DOCK1: variants seen among roughly 807,000 people sequenced by gnomAD.
DOCK1 encodes dedicator of cytokinesis 1.
Under a neutral mutation model 262.7 loss-of-function variants are expected in DOCK1, and 138 were observed. The observed-to-expected ratio is 0.53, with a 90% CI of 0.46 to 0.61. DOCK1 has a LOEUF of 0.61. Among genes scored for constraint, DOCK1 ranks in the 20% least tolerant of loss-of-function variants. The pLI, the probability that DOCK1 is intolerant of heterozygous loss-of-function variation, is 0.00. For missense variants in DOCK1, 1,908 were observed against 2,370.7 expected (o/e 0.80, Z 4.05); for synonymous variants, 866 against 867.4 (o/e 1.00, Z 0.03).
intron 22 of DOCK1, among the ~76,000 whole-genome samples, chr10:127,059,216 T>C (rs2045373305): frequency 6.6e-6 from 1 of 152,198 alleles, no homozygotes; most frequent in Non-Finnish European, 1.5e-5. Context: ...TATTATTTTC[T>C]TTCTTGCTGC....
At chr10:127,185,076 C>T (rs887000564) in intron 27 of DOCK1, among the ~76,000 whole-genome samples, 1 of 152,310 alleles carries the variant, frequency 6.6e-6, no homozygotes, top group South Asian at 2.1e-4. Context: ...AGGGTAGGCT[C>T]TACCTGGGAG....
chr10:127,093,253 T>TCTTTCTTTCTTC (rs1413349857), intron 23 of DOCK1, among the ~76,000 whole-genome samples: 4 of 127,866 alleles, frequency 3.1e-5, no homozygotes, highest in African/African-American at 1.3e-4. Flanking sequence ...TTTTTTTTTT[T>TCTTTCTTTCTTC]TTTTTTTTTG....
chr10:127,170,777 A>T (rs2054501651), intron 27 of DOCK1, among the ~76,000 whole-genome samples: 1 of 152,306 alleles, frequency 6.6e-6, no homozygotes, highest in African/African-American at 2.4e-5. Context: ...GACTCCCATT[A>T]GTGACTTATT....
At chr10:127,426,382 C>T (rs775145503) in intron 47 of DOCK1, among the ~76,000 whole-genome samples, 1 of 152,166 alleles carries the variant, frequency 6.6e-6, no homozygotes. Flanking sequence ...ACAGAGGGTT[C>T]GGTCATCCAC....
chr10:127,194,817 C>T (rs572248762), intron 27 of DOCK1, among the ~76,000 whole-genome samples: 1 of 152,180 alleles, frequency 6.6e-6, no homozygotes, highest in East Asian at 1.9e-4. Context: ...GCAGGGCTCC[C>T]CCAAAGTTCA....
intron 43 of DOCK1, among the ~76,000 whole-genome samples, chr10:127,413,009 C>T (rs1301232859): frequency 6.6e-6 from 1 of 152,216 alleles, no homozygotes; most frequent in Non-Finnish European, 1.5e-5. Context: ...CACGTCCAAC[C>T]TGGACACCCT....
In DOCK1 at chr10:127,235,201, C is replaced by T. The variant is rs567625017; in HGVS notation, c.2848-12807C>T. Among the ~76,000 whole-genome samples the T allele has an allele frequency of 5.9e-3, 901 of 151,686 alleles. 12 individuals carry two copies. Among genetic ancestry groups the T allele is most frequent in the African/African-American group, 0.02 (836 of 41,446 alleles). The stretch of plus-strand genomic sequence containing the variant: ...ATATACTTTATATTTTATATAGTAA[C>T]ATCCATTCTTCTTCCTTCTAAATTT... On this transcript the variant is annotated intron_variant, in intron 27 of 51. Coordinates refer to ENST00000623213, the MANE Select transcript of DOCK1 (RefSeq NM_001290223.2).
At chr10:127,428,323 A>C (rs1465749188) in intron 47 of DOCK1, among the ~76,000 whole-genome samples, 1 of 151,420 alleles carries the variant, frequency 6.6e-6, no homozygotes, top group Non-Finnish European at 1.5e-5. Flanking sequence ...CACATTCATG[A>C]GTTCTGAGTG....
chr10:126,972,024 C>G (rs551934909), intron 2 of DOCK1, among the ~76,000 whole-genome samples: 77 of 152,048 alleles, frequency 5.1e-4, no homozygotes, highest in Middle Eastern at 6.8e-3. Context: ...TCAAGCGATT[C>G]TCCTGCCTCA....
chr10:127,024,061 C>T (rs2135457450), intron 14 of DOCK1, among the ~76,000 whole-genome samples: 2 of 152,264 alleles, frequency 1.3e-5, no homozygotes, highest in East Asian at 3.9e-4. Flanking sequence ...GCTATTGCCT[C>T]CTCTGATGAC....
chr10:126,948,980 C>G (rs1243484792), intron 1 of DOCK1, among the ~76,000 whole-genome samples: 1 of 152,084 alleles, frequency 6.6e-6, no homozygotes, highest in Non-Finnish European at 1.5e-5. Flanking sequence ...GTGGCCCGGG[C>G]CCACCCCCTG....
intron 2 of DOCK1, among the ~76,000 whole-genome samples, chr10:126,977,320 CTT>C (rs1170885125): frequency 6.6e-6 from 1 of 152,140 alleles, no homozygotes. Flanking sequence ...TCACTATTTT[CTT>C]TCTCTCGCCA....
chr10:127,443,646 A>C (rs1591083683), intron 49 of DOCK1, among the ~76,000 whole-genome samples: 1 of 152,272 alleles, frequency 6.6e-6, no homozygotes, highest in African/African-American at 2.4e-5. Context: ...CGCCACCCCA[A>C]GAAGGTCATA....
At chr10:126,950,680 G>A (rs1250585186) in intron 1 of DOCK1, among the ~76,000 whole-genome samples, 3 of 152,230 alleles carry the variant, frequency 2.0e-5, no homozygotes, top group African/African-American at 7.2e-5. Flanking sequence ...CTGGAGGTGG[G>A]GCGGCAGCAT....
At chr10:127,207,664 A>G (rs1178912955) in intron 27 of DOCK1, among the ~76,000 whole-genome samples, 6 of 152,194 alleles carry the variant, frequency 3.9e-5, no homozygotes, top group Admixed American at 2.0e-4. Context: ...TTTCCTAAAG[A>G]GCTACATTAT....
At chr10:127,057,214 T>G (rs543276400) in intron 22 of DOCK1, among the ~76,000 whole-genome samples, 8 of 152,336 alleles carry the variant, frequency 5.3e-5, no homozygotes, top group African/African-American at 1.7e-4. Flanking sequence ...TCTTCTTACC[T>G]GCAGCATGTT....
At chr10:127,368,580 T>G (rs79077070) in intron 33 of DOCK1, among the ~76,000 whole-genome samples, 2,904 of 152,168 alleles carry the variant, frequency 0.019, 91 homozygotes, top group African/African-American at 0.066. Flanking sequence ...AGGTCCTACT[T>G]GGGAAGATTT....
chr10:127,119,626 C>A (rs951850846), intron 25 of DOCK1, among the ~76,000 whole-genome samples: 1 of 152,186 alleles, frequency 6.6e-6, no homozygotes, highest in African/African-American at 2.4e-5. Flanking sequence ...AAACACCCCC[C>A]ATGTATATGA....
At chr10:127,008,528 C>A (rs1272541972) in intron 10 of DOCK1, among the ~76,000 whole-genome samples, 1 of 152,134 alleles carries the variant, frequency 6.6e-6, no homozygotes, top group East Asian at 1.9e-4. Flanking sequence ...TGGAACTCTG[C>A]CATTTGAGCC....
Sources: gnomAD v4.1 joint callset for allele counts (sites outside exome capture counted in the v4.1 genomes callset) on GRCh38, gnomAD v4.1.1 for gene constraint, MANE v1.5 for transcripts, NCBI Gene and HGNC (gene_info 2026-07-23, HGNC 2026-07-21) for gene names.